The following RASGRP1 variants were observed in gnomAD, a reference collection of about 807,000 sequenced individuals.
RASGRP1 encodes the protein RAS guanyl-releasing protein 1.
A neutral mutation model predicts 95.1 loss-of-function variants in RASGRP1; 37 were observed. The ratio of observed to expected loss-of-function variants is 0.39; its 90% confidence interval spans 0.30 to 0.51. The LOEUF (loss-of-function observed/expected upper bound fraction) is 0.51. RASGRP1 is among the 20% of genes least tolerant of loss of function. RASGRP1 has a pLI of 0.80. For missense variants in RASGRP1, 711 were observed against 965.4 expected (o/e 0.74, Z 3.49); for synonymous variants, 325 against 353.4 (o/e 0.92, Z 0.90).
intron 14 of RASGRP1, chr15:38,499,236 GGGAGACCCTCC>G: frequency 1.9e-6 from 1 of 522,140 alleles, no homozygotes; most frequent in South Asian, 1.8e-5. Flanking sequence ...GCCTACTCTA[GGGAGACCCTCC>G]GGAAACACTC....
At chr15:38,540,210 G>A (rs975429529) in intron 2 of RASGRP1, among the ~76,000 whole-genome samples, 1 of 152,158 alleles carries the variant, frequency 6.6e-6, no homozygotes, top group Non-Finnish European at 1.5e-5. Flanking sequence ...TTATAGGCAT[G>A]AGTCACTGTG....
chr15:38,499,340 A>AGTT (rs1343045372), intron 14 of RASGRP1, among the ~76,000 whole-genome samples: 2 of 152,212 alleles, frequency 1.3e-5, no homozygotes, highest in Non-Finnish European at 2.9e-5. Context: ...AAGGAAGGAC[A>AGTT]GTTATGTCCT....
intron 1 of RASGRP1, among the ~76,000 whole-genome samples, chr15:38,561,756 T>C (rs1054917058): frequency 6.6e-6 from 1 of 152,230 alleles, no homozygotes; most frequent in African/African-American, 2.4e-5. Context: ...CAATTGGTTA[T>C]TGGGCATCTG....
intron 12 of RASGRP1, 51 bp downstream of exon 12, chr15:38,502,261 T>C (rs757167103): frequency 4.6e-5 from 61 of 1,313,050 alleles, no homozygotes; most frequent in Admixed American, 7.5e-5. Flanking sequence ...CCTATAAACC[T>C]ATTCTCACCA....
chr15:38,530,862 A>G (rs1377385859), intron 2 of RASGRP1, among the ~76,000 whole-genome samples: 3 of 152,182 alleles, frequency 2.0e-5, no homozygotes, highest in African/African-American at 7.2e-5. Context: ...CAAATATCTG[A>G]AGTGTTCTTT....
At chr15:38,548,821 G>A (rs1403243295) in intron 2 of RASGRP1, among the ~76,000 whole-genome samples, 2 of 152,150 alleles carry the variant, frequency 1.3e-5, no homozygotes, top group Non-Finnish European at 2.9e-5. Context: ...ATTTCTCCTT[G>A]CAATTTTGAG....
intron 12 of RASGRP1, 186 bp from the exon 13 acceptor site, chr15:38,501,473 T>C (rs1051966762): frequency 1.3e-6 from 1 of 776,886 alleles, no homozygotes; most frequent in Non-Finnish European, 2.2e-6. Context: ...ATGTGGTAAG[T>C]AGGTAAGGCA....
intron 2 of RASGRP1, among the ~76,000 whole-genome samples, chr15:38,557,057 C>T (rs1362945730): frequency 6.6e-6 from 1 of 152,182 alleles, no homozygotes; most frequent in East Asian, 1.9e-4. Flanking sequence ...TCTAAAGCAC[C>T]ACTTTTCTCT....
chr15:38,507,947 G>A lies in RASGRP1; in HGVS notation c.1021C>T (p.Arg341Trp), dbSNP rs751332702. 4 of 1,611,130 alleles carry A rather than the reference G, an allele frequency of 2.5e-6. No homozygotes were observed. The highest frequency in any genetic ancestry group is 3.4e-6 in the Non-Finnish European group (4 of 1,178,952). The change falls in exon 9 of 17, where the codon CGG (arginine) becomes TGG (tryptophan). Residue 341 changes from arginine to tryptophan, a missense_variant. By Grantham distance (101) the Arg-to-Trp change is moderately radical. Coordinates refer to ENST00000310803, the MANE Select transcript of RASGRP1 (RefSeq NM_005739.4). ...TCGGTGCACTCTCCATAGGCTCGCC[G>A]GTAATTGTCGTAGTTTCTGGAGGAG... is the stretch of plus-strand genomic sequence containing the variant. Reference protein sequence around the residue: ...LSSSRNYDNYRRAYGECTDFK... With the variant: ...LSSSRNYDNYWRAYGECTDFK...
chr15:38,544,026 G>A (rs1196408884), intron 2 of RASGRP1, among the ~76,000 whole-genome samples: 1 of 152,066 alleles, frequency 6.6e-6, no homozygotes, highest in Non-Finnish European at 1.5e-5. Context: ...GTTCCTTTAT[G>A]GTGGTATTTA....
intron 2 of RASGRP1, among the ~76,000 whole-genome samples, chr15:38,542,837 A>ATATATATATATGTG (rs768135614): frequency 1.6e-4 from 20 of 127,302 alleles, no homozygotes; most frequent in Admixed American, 4.7e-4. Flanking sequence ...ATATATGTGT[A>ATATATATATATGTG]TATATATATA....
rs368861027 is a variant in RASGRP1, at chr15:38,518,316, C to T, written c.497G>A (p.Cys166Tyr). 4 of 1,610,356 alleles carry T rather than the reference C, an allele frequency of 2.5e-6. No individual in the cohort carries two copies. The highest frequency in any genetic ancestry group is 2.2e-5 in the South Asian group (2 of 90,124). ...LVKAKGEELH[C>Y]RLIDTTQINA... The stretch of plus-strand genomic sequence containing the variant: ...CATTTGAGTTGTGTCAATCAGGCGG[C>T]AATGTAACTCCTCACCCTTAGCTTT... Residue 166 changes from cysteine to tyrosine, a missense_variant, in exon 5 of 17, where the codon TGC becomes TAC. Coordinates refer to ENST00000310803, the MANE Select transcript of RASGRP1 (RefSeq NM_005739.4).
At chr15:38,527,158 G>A (rs2141141959) in intron 2 of RASGRP1, among the ~76,000 whole-genome samples, 1 of 152,276 alleles carries the variant, frequency 6.6e-6, no homozygotes, top group East Asian at 1.9e-4. Context: ...CAACATTTAT[G>A]GCATGAAGTG....
Position 38,494,529 on chromosome 15 carries a change from A to G in RASGRP1, c.2112T>C (p.Tyr704=), listed in dbSNP as rs557996582. Residue 704 remains tyrosine (Y), a synonymous_variant, in exon 16 of 17, where the codon TAT becomes TAC. Coordinates refer to ENST00000310803, the MANE Select transcript of RASGRP1 (RefSeq NM_005739.4). ...ATGGAGAGGTGGGACTGGGAAGCAC[A>G]TATAGAGTATCCTGGGCTGTCTTCC... ...SPRKTAQDTL[Y]VLPSPTSPCP... 9 of 1,595,220 alleles carry G rather than the reference A, an allele frequency of 5.6e-6. No homozygotes were observed. In the South Asian group the frequency reaches 1.0e-4, roughly 18 times the overall value.
chr15:38,550,488 C>T (rs571113849), intron 2 of RASGRP1, among the ~76,000 whole-genome samples: 10 of 152,232 alleles, frequency 6.6e-5, no homozygotes, highest in Non-Finnish European at 1.3e-4. Flanking sequence ...GAGTACTCTT[C>T]TTTTCTTGTA....
chr15:38,564,559 A>G, intron 1 of RASGRP1, 35 bp downstream of exon 1: 1 of 1,358,156 alleles, frequency 7.4e-7, no homozygotes, highest in Non-Finnish European at 9.6e-7. Flanking sequence ...GAAAGGACAC[A>G]GGCGCTCCCG....
Position 38,500,142 on chromosome 15 carries a change from A to G in RASGRP1, c.1684-3T>C, listed in dbSNP as rs1201075378. On this transcript the variant is annotated splice_region_variant and splice_polypyrimidine_tract_variant and intron_variant, in intron 13 of 16. Coordinates refer to ENST00000310803, the MANE Select transcript of RASGRP1 (RefSeq NM_005739.4). ...CCTTGTTTGATCACTCCCCAGAGCT[A>G]TGAAACAAGAGACAGAATGCACCAC... 3 of 1,613,100 alleles carry G rather than the reference A, an allele frequency of 1.9e-6. No homozygotes were observed. The South Asian group carries it at 3.3e-5, about 18-fold the overall frequency.
At chr15:38,531,455 T>C (rs769592892) in intron 2 of RASGRP1, among the ~76,000 whole-genome samples, 2 of 152,222 alleles carry the variant, frequency 1.3e-5, no homozygotes, top group African/African-American at 2.4e-5. Flanking sequence ...TGAAATAGCT[T>C]TTGTACTCTG....
intron 3 of RASGRP1, among the ~76,000 whole-genome samples, chr15:38,523,477 A>G (rs1329002631): frequency 1.3e-5 from 2 of 152,244 alleles, no homozygotes; most frequent in South Asian, 2.1e-4. Flanking sequence ...AGTTTTAAAA[A>G]TTAAGTTTAT....
Sources: allele counts gnomAD v4.1 joint callset (sites outside exome capture counted in the v4.1 genomes callset), GRCh38; gene constraint gnomAD v4.1.1; transcripts MANE v1.5; gene names NCBI Gene and HGNC (gene_info 2026-07-23, HGNC 2026-07-21).